CGRRF1: variants seen among roughly 807,000 people sequenced by gnomAD.
CGRRF1 encodes the protein cell growth regulator with ring finger domain 1.
In CGRRF1, 32 loss-of-function variants were observed where a neutral mutation model predicts 37.2. The observed-to-expected ratio is 0.86, with a 90% CI of 0.65 to 1.16. The LOEUF is 1.16. CGRRF1 is among the 50% of genes most tolerant of loss of function. CGRRF1 has a pLI of 0.00. For missense variants in CGRRF1, 391 were observed against 382.6 expected (o/e 1.02, Z -0.18); for synonymous variants, 141 against 140.3 (o/e 1.00, Z -0.04).
Position 54,524,388 on chromosome 14 carries a change from T to G in CGRRF1, c.244+1795T>G, listed in dbSNP as rs889018845. ...TGATTTGTAAGGAAAAATATATGTT[T>G]TTTTTTTTTTTTTTCGAGACAGGCT... is the stretch of plus-strand genomic sequence containing the variant. On this transcript the variant is annotated intron_variant, in intron 2 of 5. Coordinates refer to ENST00000216420, the MANE Select transcript of CGRRF1 (RefSeq NM_006568.3). 4.3e-4 allele frequency among the ~76,000 whole-genome samples: 65 copies of G among 150,422 alleles called. 1 individual carries two copies. The highest frequency in any genetic ancestry group is 5.3e-4 in the Admixed American group (8 of 15,108).
At chr14:54,524,649 T>C (rs1405052742) in intron 2 of CGRRF1, among the ~76,000 whole-genome samples, 1 of 152,054 alleles carries the variant, frequency 6.6e-6, no homozygotes, top group Non-Finnish European at 1.5e-5. Flanking sequence ...TGCCCCAGGC[T>C]CACAAAGTGC....
At chr14:54,527,076 A>G (rs920138165) in intron 2 of CGRRF1, among the ~76,000 whole-genome samples, 2 of 152,072 alleles carry the variant, frequency 1.3e-5, no homozygotes, top group Non-Finnish European at 2.9e-5. Context: ...GAGATACCAC[A>G]CCCATGTGCT....
At chr14:54,519,471 G>A (rs1390217569) in intron 1 of CGRRF1, among the ~76,000 whole-genome samples, 3 of 144,710 alleles carry the variant, frequency 2.1e-5, no homozygotes, top group Non-Finnish European at 3.0e-5. Flanking sequence ...GACTGGTGTC[G>A]AACTCCTGGG....
chr14:54,530,683 T>C lies in CGRRF1; in HGVS notation c.423-220T>C, dbSNP rs566688704. ...GATCATTTTTGGTATACTAGAAGCA[T>C]GTTTATTGCTTCAGAATAAGCACTC... is the stretch of plus-strand genomic sequence containing the variant. On this transcript the variant is annotated intron_variant, in intron 3 of 5. Transcript: ENST00000216420. The C allele has an allele frequency of 1.3e-5, 11 of 838,264 alleles. No individual in the cohort carries two copies. In the African/African-American group the frequency reaches 1.7e-4, roughly 13 times the overall value. 51.9% of individuals were successfully genotyped at this position (838,264 alleles called of 1,614,324 possible).
intron 1 of CGRRF1, among the ~76,000 whole-genome samples, chr14:54,517,948 A>G (rs1048621215): frequency 1.3e-5 from 2 of 152,244 alleles, no homozygotes; most frequent in Non-Finnish European, 2.9e-5. Context: ...TGCAAAGGAC[A>G]TGACCTTGTT....
chr14:54,518,272 G>T (rs545051600), intron 1 of CGRRF1, among the ~76,000 whole-genome samples: 26 of 152,160 alleles, frequency 1.7e-4, no homozygotes, highest in African/African-American at 5.5e-4. Context: ...TAGGCCAGGC[G>T]CAGTGGCTCA....
At chr14:54,514,941 A>T (rs1441848394) in intron 1 of CGRRF1, among the ~76,000 whole-genome samples, 1 of 152,136 alleles carries the variant, frequency 6.6e-6, no homozygotes, top group African/African-American at 2.4e-5. Context: ...TTATAATTTG[A>T]TTCCATTGTG....
At chr14:54,530,769 C>T (rs985609619) in intron 3 of CGRRF1, 134 bp from the exon 4 acceptor site, 8 of 907,208 alleles carry the variant, frequency 8.8e-6, no homozygotes, top group Non-Finnish European at 1.4e-5. Flanking sequence ...TATTTGTATC[C>T]TTTTATCTGA....
chr14:54,530,568 T>C (rs1404018559), intron 3 of CGRRF1: 8 of 1,189,334 alleles, frequency 6.7e-6, no homozygotes, highest in East Asian at 2.6e-5. Flanking sequence ...TGAATATCTC[T>C]ATCAGGAACA....
chr14:54,515,325 C>T (rs2032197654), intron 1 of CGRRF1, among the ~76,000 whole-genome samples: 1 of 151,838 alleles, frequency 6.6e-6, no homozygotes, highest in Admixed American at 6.6e-5. Flanking sequence ...ATCGCTTGAC[C>T]TCATGATCTG....
At chr14:54,529,943 A>G in intron 2 of CGRRF1, 106 bp from the exon 3 acceptor site, 3 of 844,934 alleles carry the variant, frequency 3.6e-6, no homozygotes, top group Non-Finnish European at 5.5e-6. Flanking sequence ...TTTAACTGCC[A>G]TCATCCTGGC....
chr14:54,522,451 TAGG>T lies in CGRRF1; in HGVS notation c.105-2_105del. 6.5e-7 allele frequency: 1 copy of T among 1,539,108 alleles called. No individual in the cohort carries two copies. The highest frequency in any genetic ancestry group is 2.3e-5 in the East Asian group (1 of 43,102). On this transcript the variant is annotated splice_acceptor_variant and coding_sequence_variant, in exon 2 of 6. Transcript: ENST00000216420. LOFTEE classifies it high-confidence loss of function. ...TAATATTTTATTTTTTACCTTTTTTTAGGTTTGGTTGGGATGTTCCAGTAATTC... is the reference window on the plus strand; with the variant it reads ...TAATATTTTATTTTTTACCTTTTTTTTTTGGTTGGGATGTTCCAGTAATTC...
chr14:54,511,892 T>C (rs1337553432), intron 1 of CGRRF1, among the ~76,000 whole-genome samples: 1 of 152,240 alleles, frequency 6.6e-6, no homozygotes, highest in Non-Finnish European at 1.5e-5. Flanking sequence ...AATTTAGGCC[T>C]AACCAGTCAT....
rs778546173 is a variant in CGRRF1 at position 54,509,932 on chromosome 14, G to C, written c.-28G>C. The stretch of plus-strand genomic sequence containing the variant: ...GGCTGGGCTGGGCTCCGCGGCTGGA[G>C]CCGGGCTCTACCCAGAGCAAGACCC... On this transcript the variant is annotated 5_prime_UTR_variant, in exon 1 of 6. Coordinates refer to ENST00000216420, the MANE Select transcript of CGRRF1 (RefSeq NM_006568.3). 6.4e-7 allele frequency: 1 copy of C among 1,559,680 alleles called. No individual in the cohort carries two copies. The highest frequency in any genetic ancestry group is 2.2e-5 in the East Asian group (1 of 44,568).
chr14:54,519,531 A>G (rs1335870807), intron 1 of CGRRF1, among the ~76,000 whole-genome samples: 1 of 151,220 alleles, frequency 6.6e-6, no homozygotes, highest in Non-Finnish European at 1.5e-5. Flanking sequence ...GATTATGGGC[A>G]GGAGCCAGTG....
At chr14:54,519,371 G>A (rs1381528765) in intron 1 of CGRRF1, among the ~76,000 whole-genome samples, 4 of 151,556 alleles carry the variant, frequency 2.6e-5, no homozygotes, top group Non-Finnish European at 5.9e-5. Context: ...TTAAGTAGCT[G>A]GGACCACAGG....
chr14:54,530,001 A>C, intron 2 of CGRRF1, 48 bp from the exon 3 acceptor site: 1 of 1,478,248 alleles, frequency 6.8e-7, no homozygotes, highest in Non-Finnish European at 9.4e-7. Context: ...TGATTGTATT[A>C]GAAGTTACAT....
chr14:54,527,718 G>A (rs575905856), intron 2 of CGRRF1, among the ~76,000 whole-genome samples: 1 of 150,778 alleles, frequency 6.6e-6, no homozygotes, highest in South Asian at 2.1e-4. Flanking sequence ...TCTGTAAGCT[G>A]TAAGTTGAGT....
chr14:54,529,022 G>A (rs2032463646), intron 2 of CGRRF1, among the ~76,000 whole-genome samples: 1 of 152,104 alleles, frequency 6.6e-6, no homozygotes, highest in African/African-American at 2.4e-5. Context: ...ATTCTTATTA[G>A]CAAGCAACAG....
Sources: gnomAD v4.1 joint callset for allele counts (sites outside exome capture counted in the v4.1 genomes callset) on GRCh38, gnomAD v4.1.1 for gene constraint, MANE v1.5 for transcripts, NCBI Gene and HGNC (gene_info 2026-07-23, HGNC 2026-07-21) for gene names.